Variants in SEMA6D observed in about 807,000 individuals in gnomAD.
SEMA6D encodes the protein semaphorin 6D.
A neutral mutation model predicts 106.6 loss-of-function variants in SEMA6D; 35 were observed. The ratio of observed to expected loss-of-function variants is 0.33; its 90% CI spans 0.25 to 0.44. The LOEUF (loss-of-function observed/expected upper bound fraction) is 0.44. Among genes scored for constraint, SEMA6D ranks in the 20% least tolerant of loss-of-function variants. The pLI is 1.00. For missense variants in SEMA6D, 1,185 were observed against 1,345.9 expected (o/e 0.88, Z 1.87); for synonymous variants, 499 against 487.7 (o/e 1.02, Z -0.31).
In SEMA6D at chr15:47,635,586, C is replaced by T. The variant is rs181832617; in HGVS notation, c.-55+34690C>T. 1.4e-3 allele frequency among the ~76,000 whole-genome samples: 213 copies of T among 152,240 alleles called. 2 individuals carry two copies. The Middle Eastern group carries it at 0.027, about 19-fold the overall frequency. On this transcript the variant is annotated intron_variant, in intron 4 of 19. Transcript: ENST00000558014. ...AGAAGTATGGGAGGCCCTGGACTTG[C>T]GACTGGCATCGAAAAATGAGAGCAG... is the stretch of plus-strand genomic sequence containing the variant.
intron 3 of SEMA6D, among the ~76,000 whole-genome samples, chr15:47,524,292 C>G (rs567751747): frequency 1.2e-4 from 18 of 152,244 alleles, no homozygotes; most frequent in African/African-American, 3.9e-4. Flanking sequence ...CCTCATCTCC[C>G]CGGGAGACTG....
intron 3 of SEMA6D, among the ~76,000 whole-genome samples, chr15:47,476,054 T>C (rs75988159): frequency 0.064 from 9,670 of 152,256 alleles, 602 homozygotes; most frequent in East Asian, 0.32. Context: ...ACATTTATCA[T>C]GGATCCTGAG....
intron 3 of SEMA6D, among the ~76,000 whole-genome samples, chr15:47,578,135 T>C (rs1596352604): frequency 1.3e-5 from 2 of 152,190 alleles, no homozygotes; most frequent in Non-Finnish European, 2.9e-5. Context: ...GCCCATGGTT[T>C]CCTCATTAGT....
chr15:47,427,970 A>G (rs1205236838), intron 2 of SEMA6D, among the ~76,000 whole-genome samples: 1 of 152,174 alleles, frequency 6.6e-6, no homozygotes, highest in African/African-American at 2.4e-5. Context: ...GGGGTATACG[A>G]AACAAGATAA....
At chr15:47,385,425 C>T (rs1013993557) in intron 1 of SEMA6D, among the ~76,000 whole-genome samples, 1 of 152,104 alleles carries the variant, frequency 6.6e-6, no homozygotes, top group African/African-American at 2.4e-5. Context: ...TTTTAATTTC[C>T]ATAACCAAAT....
At chr15:47,648,540 A>G (rs1021334097) in intron 4 of SEMA6D, among the ~76,000 whole-genome samples, 1 of 151,960 alleles carries the variant, frequency 6.6e-6, no homozygotes, top group African/African-American at 2.4e-5. Context: ...ATACAAATGC[A>G]CTTAGGGAGC....
chr15:47,621,408 A>C (rs2077097450), intron 4 of SEMA6D, among the ~76,000 whole-genome samples: 1 of 152,058 alleles, frequency 6.6e-6, no homozygotes, highest in African/African-American at 2.4e-5. Flanking sequence ...TAGTTGAATT[A>C]GCTAAATACA....
intron 1 of SEMA6D, among the ~76,000 whole-genome samples, chr15:47,318,946 T>C (rs2036809381): frequency 6.6e-6 from 1 of 152,186 alleles, no homozygotes; most frequent in South Asian, 2.1e-4. Flanking sequence ...CCTGACATTT[T>C]AATGATTGCC....
intron 1 of SEMA6D, among the ~76,000 whole-genome samples, chr15:47,732,456 TCC>T (rs2080185316): frequency 6.6e-6 from 1 of 152,158 alleles, no homozygotes. Context: ...TAACAGATTT[TCC>T]CGGGCTCTCA....
intron 1 of SEMA6D, among the ~76,000 whole-genome samples, chr15:47,358,280 T>C (rs1218275289): frequency 6.6e-6 from 1 of 152,256 alleles, no homozygotes; most frequent in African/African-American, 2.4e-5. Context: ...CTATGACTTA[T>C]GGAAGACCCG....
At chr15:47,530,403 A>G (rs753397784) in intron 3 of SEMA6D, among the ~76,000 whole-genome samples, 12 of 152,232 alleles carry the variant, frequency 7.9e-5, no homozygotes, top group Non-Finnish European at 1.3e-4. Flanking sequence ...AAACAACAAA[A>G]TTAAGAACTT....
chr15:47,283,751 G>A (rs2035237805), intron 1 of SEMA6D, among the ~76,000 whole-genome samples: 5 of 152,170 alleles, frequency 3.3e-5, no homozygotes, highest in Admixed American at 1.3e-4. Context: ...TCTTATATGT[G>A]TGAGCCTGTC....
At chr15:47,597,166 A>T (rs561307147) in intron 3 of SEMA6D, among the ~76,000 whole-genome samples, 1 of 152,092 alleles carries the variant, frequency 6.6e-6, no homozygotes, top group African/African-American at 2.4e-5. Context: ...AAATGATGAG[A>T]TATTACTTCC....
chr15:47,377,586 C>G (rs1402324673), intron 1 of SEMA6D, among the ~76,000 whole-genome samples: 1 of 152,136 alleles, frequency 6.6e-6, no homozygotes, highest in Admixed American at 6.5e-5. Context: ...AATCATTACT[C>G]AGTAAGTGGG....
intron 1 of SEMA6D, among the ~76,000 whole-genome samples, chr15:47,315,411 G>A (rs1056390770): frequency 5.3e-5 from 8 of 151,984 alleles, no homozygotes; most frequent in African/African-American, 1.7e-4. Context: ...CTACATTTAC[G>A]GGGGTCTATT....
chr15:47,595,211 T>C lies in SEMA6D; in HGVS notation c.-86-5654T>C, dbSNP rs569788422. On this transcript the variant is annotated intron_variant, in intron 3 of 19. Transcript: ENST00000558014. Reference sequence around the variant, plus strand: ...GAGGTTAATGTCAGCTGTAGGGTTGTTATATATGGCCTTTATTGTATTGAG... The same window carrying C: ...GAGGTTAATGTCAGCTGTAGGGTTGCTATATATGGCCTTTATTGTATTGAG... Among the ~76,000 whole-genome samples the C allele has an allele frequency of 1.9e-4, 29 of 152,324 alleles. No individual in the cohort carries two copies. In the South Asian group the frequency reaches 5.8e-3, roughly 30 times the overall value.
chr15:47,684,746 T>G (rs1311425031), intron 4 of SEMA6D, among the ~76,000 whole-genome samples: 2 of 152,234 alleles, frequency 1.3e-5, no homozygotes, highest in Non-Finnish European at 2.9e-5. Context: ...TTCCCTTTTT[T>G]AAAAATGTGT....
chr15:47,205,448 TTAAA>T (rs1161128562), intron 1 of SEMA6D, among the ~76,000 whole-genome samples: 1 of 152,166 alleles, frequency 6.6e-6, no homozygotes, highest in East Asian at 1.9e-4. Context: ...TGAGAGTCAG[TTAAA>T]TAAGTAAACC....
At chr15:47,762,050 C>A in intron 7 of SEMA6D, 150 bp from the exon 8 acceptor site, 1 of 884,702 alleles carries the variant, frequency 1.1e-6, no homozygotes, top group Non-Finnish European at 1.7e-6. Flanking sequence ...TGACCTGTCA[C>A]ATGTTGATGG....
Sources: allele counts gnomAD v4.1 joint callset (sites outside exome capture counted in the v4.1 genomes callset), GRCh38; gene constraint gnomAD v4.1.1; transcripts MANE v1.5; gene names NCBI Gene and HGNC (gene_info 2026-07-23, HGNC 2026-07-21).